B4GALT2: variants seen among roughly 807,000 people sequenced by gnomAD.
The protein encoded by B4GALT2 is N-acetyllactosamine synthase.
A neutral mutation model predicts 33.2 loss-of-function variants in B4GALT2; 18 were observed. The ratio of observed to expected loss-of-function variants is 0.54; its 90% CI spans 0.38 to 0.80. The LOEUF is 0.80. B4GALT2 is among the 30% of genes least tolerant of loss of function. The pLI is 0.00. For missense variants in B4GALT2, 404 were observed against 526.2 expected (o/e 0.77, Z 2.27); for synonymous variants, 214 against 217.6 (o/e 0.98, Z 0.15).
chr1:43,987,222 C>T (rs1553155578), intron 6 of B4GALT2, among the ~76,000 whole-genome samples: 1 of 152,182 alleles, frequency 6.6e-6, no homozygotes, highest in Non-Finnish European at 1.5e-5. Flanking sequence ...ATCAATTACA[C>T]ATGTCTGGCT....
intron 6 of B4GALT2, among the ~76,000 whole-genome samples, chr1:43,988,323 C>T (rs1029947708): frequency 3.5e-5 from 5 of 141,076 alleles, no homozygotes; most frequent in South Asian, 2.2e-4. Context: ...CCAGCCTGGC[C>T]GACATAGTGA....
chr1:43,980,252 C>A lies in B4GALT2; in HGVS notation c.-53+741C>A, dbSNP rs562563938. The A allele has an allele frequency of 8.3e-5, 45 of 541,168 alleles. No homozygotes were observed. In the South Asian group the frequency reaches 1.2e-3, roughly 15 times the overall value. 33.5% of individuals were successfully genotyped at this position (541,168 alleles called of 1,614,324 possible). A position where few individuals can be genotyped will look rare whatever the true frequency, so the allele number is the denominator to read the frequency against. On this transcript the variant is annotated intron_variant, in intron 1 of 6. Coordinates refer to ENST00000372324, the MANE Select transcript of B4GALT2 (RefSeq NM_003780.5). ...GCTGGAGCCATCGCCCAGGCAAGAC[C>A]CCCTTCCTGCCATGCCCAGTGCTGT... is the stretch of plus-strand genomic sequence containing the variant.
In B4GALT2 at chr1:43,990,586, A is replaced by G; in HGVS notation, c.*138A>G. 1 of 1,248,762 alleles carries G rather than the reference A, an allele frequency of 8.0e-7. No homozygotes were observed. The highest frequency in any genetic ancestry group is 1.4e-5 in the South Asian group (1 of 70,830). 77.4% of individuals were successfully genotyped at this position (1,248,762 alleles called of 1,614,324 possible). On this transcript the variant is annotated 3_prime_UTR_variant, in exon 7 of 7. Coordinates refer to ENST00000372324, the MANE Select transcript of B4GALT2 (RefSeq NM_003780.5). ...TCCAAGGGTCTTCACTAGGCCCCCT[A>G]GCTACACCTGGAAGTTTCAGAACCC...
At chr1:43,990,211 G>A (rs891075175) in intron 6 of B4GALT2, 87 bp from the exon 7 acceptor site, 23 of 1,538,624 alleles carry the variant, frequency 1.5e-5, no homozygotes, top group South Asian at 1.2e-4. Context: ...GCCAAAAGGG[G>A]GTCCATTTAG....
In B4GALT2 at chr1:43,985,162, C is replaced by A. The variant is rs564088961; in HGVS notation, c.740+107C>A. 13 of 1,562,956 alleles carry A rather than the reference C, an allele frequency of 8.3e-6. No homozygotes were observed. The African/African-American group carries it at 1.8e-4, about 21-fold the overall frequency. On this transcript the variant is annotated intron_variant, in intron 4 of 6. Coordinates refer to ENST00000372324, the MANE Select transcript of B4GALT2 (RefSeq NM_003780.5). ...GCTCCTGGCTGTGGCCCAGACCCCA[C>A]TGGCGAGGCTGGATCCTCCCTGGAC...
intron 1 of B4GALT2, chr1:43,980,314 C>G (rs1047675454): frequency 1.5e-5 from 6 of 394,016 alleles, no homozygotes; most frequent in African/African-American, 1.3e-4. Flanking sequence ...TTCCGGGAAT[C>G]AGAACCAGCT....
chr1:43,983,088 T>C (rs1049801552), intron 3 of B4GALT2, among the ~76,000 whole-genome samples: 3 of 152,148 alleles, frequency 2.0e-5, no homozygotes, highest in Non-Finnish European at 4.4e-5. Flanking sequence ...CTGGGCCAGC[T>C]CTGGGGGAGT....
Position 43,979,950 on chromosome 1 carries a change from G to T in B4GALT2, c.-53+439G>T. 1 of 1,522,526 alleles carries T rather than the reference G, an allele frequency of 6.6e-7. No individual in the cohort carries two copies. Among genetic ancestry groups the T allele is most frequent in the Non-Finnish European group, 8.8e-7 (1 of 1,138,622 alleles). The allele number at this position is 1,522,526 out of a possible 1,614,324, so 94.3% of individuals were successfully genotyped here. A position where few individuals can be genotyped will look rare whatever the true frequency, so the allele number is the denominator to read the frequency against. On this transcript the variant is annotated intron_variant, in intron 1 of 6. Transcript: ENST00000372324. This position sits in a 1 kb window ranked among gnomAD's most constrained non-coding sequence, Gnocchi z 4.8. ...CAGCCTGACCCAGAACCCCTGCGCC[G>T]GAGGGAGGGTGGGAATGTCTGCACG...
rs41270399 is a variant in B4GALT2, at chr1:43,985,983, G to A, written c.968+362G>A. 2.8e-4 allele frequency: 86 copies of A among 310,916 alleles called. 3 individuals are homozygous for A. Among genetic ancestry groups the A allele is most frequent in the South Asian group, 2.7e-4 (8 of 30,102 alleles). 19.3% of individuals were successfully genotyped at this position (310,916 alleles called of 1,614,324 possible). ...CTTGTGCACCTGTGGGACCCCTGCC[G>A]GGGCAGATAGGACACGAGCTAATGG... On this transcript the variant is annotated intron_variant, in intron 6 of 6. Transcript: ENST00000372324.
chr1:43,986,394 G>A (rs539168323), intron 6 of B4GALT2, among the ~76,000 whole-genome samples: 303 of 152,320 alleles, frequency 2.0e-3, no homozygotes, highest in Non-Finnish European at 3.8e-3. Flanking sequence ...CTTCCTGGAG[G>A]AGGTGATGGT....
chr1:43,980,607 C>T (rs2085583340), intron 1 of B4GALT2: 1 of 996,294 alleles, frequency 1.0e-6, no homozygotes. Context: ...ATAAAGTGCT[C>T]CTGCATGGTA....
rs780397081 is a variant in B4GALT2 at position 43,990,494 on chromosome 1, G to A, written c.*46G>A. The A allele has an allele frequency of 1.2e-6, 2 of 1,610,440 alleles. No individual in the cohort carries two copies. The highest frequency in any genetic ancestry group is 1.7e-5 in the Admixed American group (1 of 60,010). The stretch of plus-strand genomic sequence containing the variant: ...CGGTGCCGAAGATTGCCTGCCAGAG[G>A]ACTGACCACAGCCTGGCTGGCAGCT... On this transcript the variant is annotated 3_prime_UTR_variant, in exon 7 of 7. Coordinates refer to ENST00000372324, the MANE Select transcript of B4GALT2 (RefSeq NM_003780.5).
rs368804013 is a variant in B4GALT2 at position 43,984,845 on chromosome 1, C to T, written c.550-20C>T. On this transcript the variant is annotated intron_variant, in intron 3 of 6. Transcript: ENST00000372324. The surrounding 1 kb of genome is among the most constrained non-coding windows in gnomAD (Gnocchi z 5.6). Reference sequence around the variant, plus strand: ...TGTTGGTCACAGGCCCAGGGTTGACCTGCTCCTCCCCCTACCCAGCATGGT... The same window carrying T: ...TGTTGGTCACAGGCCCAGGGTTGACTTGCTCCTCCCCCTACCCAGCATGGT... 6.2e-7 allele frequency: 1 copy of T among 1,609,448 alleles called. No individual in the cohort carries two copies. The highest frequency in any genetic ancestry group is 1.3e-5 in the African/African-American group (1 of 74,864).
chr1:43,980,191 A>C, intron 1 of B4GALT2: 1 of 934,066 alleles, frequency 1.1e-6, no homozygotes, highest in Non-Finnish European at 1.5e-6. Flanking sequence ...TCCCTGAAGC[A>C]CTGCCAGAAG....
In B4GALT2 at chr1:43,981,716, C is replaced by G; in HGVS notation, c.341C>G (p.Ser114Ter). 6.2e-7 allele frequency: 1 copy of G among 1,612,318 alleles called. No individual in the cohort carries two copies. The highest frequency in any genetic ancestry group is 8.5e-7 in the Non-Finnish European group (1 of 1,179,382). ...GGCAGACTGCTGATCGAGTTCACCT[C>G]ACCCATGCCCCTGGAGCGGGTGCAG... is the stretch of plus-strand genomic sequence containing the variant. ...LVGRLLIEFT[S>*]PMPLERVQRE... The change falls in exon 3 of 7, where the codon TCA (serine) becomes TGA (stop). Residue 114 changes from serine (S) to a stop codon, truncating the protein, a stop_gained. Coordinates refer to ENST00000372324, the MANE Select transcript of B4GALT2 (RefSeq NM_003780.5). LOFTEE classifies it high-confidence loss of function. This position sits in a 1 kb window ranked among gnomAD's most constrained non-coding sequence, Gnocchi z 8.1.
At chr1:43,987,963 C>G (rs975824445) in intron 6 of B4GALT2, among the ~76,000 whole-genome samples, 1 of 152,168 alleles carries the variant, frequency 6.6e-6, no homozygotes, top group African/African-American at 2.4e-5. Flanking sequence ...TCTTAGCACT[C>G]CGATGTTTTC....
rs71036648 is a variant in B4GALT2, at chr1:43,988,846, C to CAAAA, written c.969-1434_969-1431dup. ...TAGGCAACAGAGCAAGACTCTGTCTCAAAAAAAAAAAAAAAAAAAAAGTCT... is the reference window on the plus strand; with the variant it reads ...TAGGCAACAGAGCAAGACTCTGTCTCAAAAAAAAAAAAAAAAAAAAAAAAAGTCT... On this transcript the variant is annotated intron_variant, in intron 6 of 6. Transcript: ENST00000372324. 3.9e-4 allele frequency among the ~76,000 whole-genome samples: 37 copies of CAAAA among 95,230 alleles called. 1 individual carries two copies. The highest frequency in any genetic ancestry group is 8.0e-4 in the African/African-American group (18 of 22,476). 62.5% of individuals were successfully genotyped at this position (95,230 alleles called of 152,430 possible). A position where few individuals can be genotyped will look rare whatever the true frequency, so the allele number is the denominator to read the frequency against.
intron 1 of B4GALT2, chr1:43,980,209 C>T (rs1190728142): frequency 6.4e-6 from 5 of 779,550 alleles, no homozygotes; most frequent in Admixed American, 7.7e-5. Context: ...AAGTGGCTGC[C>T]GCTCTCTTGG....
chr1:43,990,631 C>G lies in B4GALT2; in HGVS notation c.*183C>G. 1 of 801,120 alleles carries G rather than the reference C, an allele frequency of 1.2e-6. No individual in the cohort carries two copies. The highest frequency in any genetic ancestry group is 1.9e-6 in the Non-Finnish European group (1 of 519,298). 49.6% of individuals were successfully genotyped at this position (801,120 alleles called of 1,614,324 possible). ...GAACCCACTTTGGGGGGCCTCCTGC[C>G]TGGGCAGGCTCTTCAAGTGTGGCCC... On this transcript the variant is annotated 3_prime_UTR_variant, in exon 7 of 7. Coordinates refer to ENST00000372324, the MANE Select transcript of B4GALT2 (RefSeq NM_003780.5).
Sources: allele counts gnomAD v4.1 joint callset (sites outside exome capture counted in the v4.1 genomes callset), GRCh38; gene constraint gnomAD v4.1.1; non-coding constraint Gnocchi (gnomAD v3.1); transcripts MANE v1.5; gene names NCBI Gene and HGNC (gene_info 2026-07-23, HGNC 2026-07-21).